PCSK7: variants seen among roughly 807,000 people sequenced by gnomAD.
The protein encoded by PCSK7 is proprotein convertase subtilisin/kexin type 7, also known as lymphoma proprotein convertase.
PCSK7 carries 38 observed loss-of-function variants against 73.3 expected under a neutral mutation model. The observed-to-expected ratio is 0.52, with a 90% CI of 0.40 to 0.68. PCSK7 has a LOEUF of 0.68. PCSK7 is among the 30% of genes least tolerant of loss of function. PCSK7 has a pLI of 0.00. For missense variants in PCSK7, 692 were observed against 991.5 expected (o/e 0.70, Z 4.06); for synonymous variants, 296 against 383.8 (o/e 0.77, Z 2.68).
rs1457742068 is a variant in PCSK7, at chr11:117,204,817, G to C, written c.*1180C>G. On this transcript the variant is annotated 3_prime_UTR_variant, in exon 17 of 17. Transcript: ENST00000320934. ...AGGCCTGGCTGGCAGAGTTTGATTT[G>C]CCCTGGTCACTTTTGTTATGGTTTC... 9 of 300,884 alleles carry C rather than the reference G, an allele frequency of 3.0e-5. No individual in the cohort carries two copies. The highest frequency in any genetic ancestry group is 5.2e-5 in the Non-Finnish European group (8 of 153,214). The allele number at this position is 300,884 out of a possible 1,614,324, so 18.6% of individuals were successfully genotyped here.
intron 9 of PCSK7, chr11:117,219,966 G>T: frequency 2.3e-6 from 1 of 426,656 alleles, no homozygotes; most frequent in Non-Finnish European, 4.1e-6. Flanking sequence ...TTTTAAAAAA[G>T]AAGCTAGAGA....
Position 117,225,969 on chromosome 11 carries a change from G to T in PCSK7, c.822C>A (p.Phe274Leu). ...PLTDSMEAVA[F>L]NKHYQINDIY... is the part of the protein sequence containing the mutation. The stretch of plus-strand genomic sequence containing the variant: ...TGTCATTGATCTGATAGTGCTTGTT[G>T]AACGCCACTGCCTCCATGCTGTCTG... Residue 274 changes from phenylalanine to leucine, a missense_variant, in exon 6 of 17, where the codon TTC becomes TTA. Coordinates refer to ENST00000320934, the MANE Select transcript of PCSK7 (RefSeq NM_004716.4). The T allele has an allele frequency of 6.2e-7, 1 of 1,612,242 alleles. No individual in the cohort carries two copies.
chr11:117,215,713 GT>G (rs34473067), intron 12 of PCSK7: 33,747 of 139,574 alleles, frequency 0.24, 4,047 homozygotes, highest in Middle Eastern at 0.28. Flanking sequence ...TTTTTGTATC[GT>G]TTTTTTTTTT....
At position 117,228,249 on chromosome 11, in the gene PCSK7, C is replaced by T. The variant is rs774047688; in HGVS notation, c.570G>A (p.Val190=). 4 of 1,613,418 alleles carry T rather than the reference C, an allele frequency of 2.5e-6. No individual in the cohort carries two copies. Among genetic ancestry groups the T allele is most frequent in the South Asian group, 1.1e-5 (1 of 90,884 alleles). ...GVTVVVVDDG[V]EHTIQDIAPN... Reference sequence around the variant, plus strand: ...GTGCAATGTCCTGGATGGTGTGTTCCACTCCGTCATCCACTACCACCACCG... The same window carrying T: ...GTGCAATGTCCTGGATGGTGTGTTCTACTCCGTCATCCACTACCACCACCG... The change falls in exon 4 of 17, where the codon GTG becomes GTA. Residue 190 remains valine (V), a synonymous_variant. Transcript: ENST00000320934.
chr11:117,215,380 G>GTGTGTGTGTGTATATATATATA (rs1164738557), intron 12 of PCSK7: 11 of 55,850 alleles, frequency 2.0e-4, no homozygotes, highest in Admixed American at 6.2e-4. Context: ...GTGTGTGTGT[G>GTGTGTGTGTGTATATATATATA]TATATATATA....
chr11:117,225,074 T>TTTTTTTTC (rs1367231304), intron 6 of PCSK7: 1 of 227,202 alleles, frequency 4.4e-6, no homozygotes, highest in Non-Finnish European at 8.5e-6. Flanking sequence ...TTTTTTTTTT[T>TTTTTTTTC]CTCCTGAAAC....
At chr11:117,222,887 T>A (rs939664767) in intron 9 of PCSK7, 1 of 254,404 alleles carries the variant, frequency 3.9e-6, no homozygotes, top group African/African-American at 2.3e-5. Context: ...CCTCAAGTGA[T>A]CCATCCGCCT....
At position 117,229,719 on chromosome 11, in the gene PCSK7, A is replaced by C; in HGVS notation, c.126T>G (p.Gly42=). The stretch of plus-strand genomic sequence containing the variant: ...CCCCTGTGCCCTGGCCATCAGGCCC[A>C]CCTGTCCCTGCCAGGCCCATGACCC... The part of the protein sequence containing the change: ...VPWVMGLAGT[G]GPDGQGTGGP... Residue 42 remains glycine (G), a synonymous_variant, in exon 3 of 17, where the codon GGT becomes GGG. Transcript: ENST00000320934. 6.2e-7 allele frequency: 1 copy of C among 1,613,912 alleles called. No individual in the cohort carries two copies. Among genetic ancestry groups the C allele is most frequent in the Non-Finnish European group, 8.5e-7 (1 of 1,179,890 alleles).
At chr11:117,211,865 T>C (rs1591791152) in intron 12 of PCSK7, 1 of 152,390 alleles carries the variant, frequency 6.6e-6, no homozygotes, top group African/African-American at 2.4e-5. Context: ...TCCTCATCTG[T>C]AAAATGGGGC....
intron 5 of PCSK7, 70 bp downstream of exon 5, chr11:117,227,087 A>G (rs1280318844): frequency 9.0e-6 from 11 of 1,226,010 alleles, no homozygotes; most frequent in Non-Finnish European, 1.3e-5. Context: ...CAGAGTAGGG[A>G]GGGGTGCAGG....
At chr11:117,227,649 G>C (rs1433691950) in intron 4 of PCSK7, among the ~76,000 whole-genome samples, 1 of 152,158 alleles carries the variant, frequency 6.6e-6, no homozygotes, top group Non-Finnish European at 1.5e-5. Flanking sequence ...CACCATCTTG[G>C]CCAGGCTGGT....
In PCSK7 at chr11:117,218,641, C is replaced by T. The variant is rs192707056; in HGVS notation, c.1432-73G>A. ...ACACCCACATTCTCACAAACACACA[C>T]GCCCTTGTCAATACGATCTTGAAGG... On this transcript the variant is annotated intron_variant, in intron 11 of 16. Transcript: ENST00000320934. The surrounding 1 kb of genome is among the most constrained non-coding windows in gnomAD (Gnocchi z 4.0). The T allele has an allele frequency of 2.7e-5, 21 of 784,414 alleles. No individual in the cohort carries two copies. Among genetic ancestry groups the T allele is most frequent in the Middle Eastern group, 2.4e-4 (1 of 4,252 alleles). 48.6% of individuals were successfully genotyped at this position (784,414 alleles called of 1,614,324 possible). A position where few individuals can be genotyped will look rare whatever the true frequency, so the allele number is the denominator to read the frequency against.
intron 8 of PCSK7, 28 bp downstream of exon 8, chr11:117,224,050 C>T (rs1229751521): frequency 6.2e-7 from 1 of 1,612,264 alleles, no homozygotes; most frequent in Non-Finnish European, 8.5e-7. Flanking sequence ...GACACACACA[C>T]AGGAGCACAG....
In PCSK7 at chr11:117,223,313, G is replaced by A. The variant is rs2032277972; in HGVS notation, c.1055-5C>T. The A allele has an allele frequency of 6.4e-7, 1 of 1,559,710 alleles. No individual in the cohort carries two copies. The highest frequency in any genetic ancestry group is 8.8e-7 in the Non-Finnish European group (1 of 1,130,532). ...GTCCCTCCTCATCCACAGCTCCTAG[G>A]GACAGAGGAGGGAGATTAGAGCTGA... On this transcript the variant is annotated splice_region_variant and splice_polypyrimidine_tract_variant and intron_variant, in intron 8 of 16. Transcript: ENST00000320934.
Position 117,229,856 on chromosome 11 carries a change from A to T in PCSK7, c.-12T>A. 6.7e-7 allele frequency: 1 copy of T among 1,487,184 alleles called. No individual in the cohort carries two copies. The highest frequency in any genetic ancestry group is 9.0e-7 in the Non-Finnish European group (1 of 1,108,252). 92.1% of individuals were successfully genotyped at this position (1,487,184 alleles called of 1,614,324 possible). ...CTCCCCTTCGGCATCAGAGCAGTGGACTGCAGACAAAGAAAAAGGATATGG... is the reference window on the plus strand; with the variant it reads ...CTCCCCTTCGGCATCAGAGCAGTGGTCTGCAGACAAAGAAAAAGGATATGG... On this transcript the variant is annotated splice_region_variant and 5_prime_UTR_variant, in exon 3 of 17. Transcript: ENST00000320934.
At position 117,205,634 on chromosome 11, in the gene PCSK7, T is replaced by C. The variant is rs1216412520; in HGVS notation, c.*363A>G. On this transcript the variant is annotated 3_prime_UTR_variant, in exon 17 of 17. Transcript: ENST00000320934. Reference sequence around the variant, plus strand: ...TGATGTTTCCATTGAGATGCGCTCCTGGCTATGGCAGGCACCTTCTCAACT... The same window carrying C: ...TGATGTTTCCATTGAGATGCGCTCCCGGCTATGGCAGGCACCTTCTCAACT... The C allele has an allele frequency of 1.2e-5, 3 of 255,568 alleles. No homozygotes were observed. Among genetic ancestry groups the C allele is most frequent in the Non-Finnish European group, 2.2e-5 (3 of 133,840 alleles). The allele number at this position is 255,568 out of a possible 1,614,324, so 15.8% of individuals were successfully genotyped here. A position where few individuals can be genotyped will look rare whatever the true frequency, so the allele number is the denominator to read the frequency against.
intron 4 of PCSK7, 108 bp from the exon 5 acceptor site, chr11:117,227,430 G>A (rs1019861283): frequency 1.0e-4 from 85 of 828,404 alleles, no homozygotes; most frequent in African/African-American, 7.6e-4. Context: ...AAGCTAGGGC[G>A]ATAAGCTCAT....
At chr11:117,230,130 G>A (rs929724413) in intron 2 of PCSK7, 6 of 388,266 alleles carry the variant, frequency 1.5e-5, no homozygotes, top group Non-Finnish European at 2.8e-5. Context: ...TCCAGCAGGA[G>A]GTCCAGTTGC....
At chr11:117,223,709 A>G in intron 8 of PCSK7, 1 of 346,182 alleles carries the variant, frequency 2.9e-6, no homozygotes, top group Non-Finnish European at 5.4e-6. Context: ...GAAGTCAGGT[A>G]AGTAAATAAA....
Sources: allele counts gnomAD v4.1 joint callset (sites outside exome capture counted in the v4.1 genomes callset), GRCh38; gene constraint gnomAD v4.1.1; non-coding constraint Gnocchi (gnomAD v3.1); transcripts MANE v1.5; gene names NCBI Gene and HGNC (gene_info 2026-07-23, HGNC 2026-07-21).